The following NRXN1 variants were observed in gnomAD, a reference collection of about 807,000 sequenced individuals.
NRXN1 encodes the protein neurexin-1.
A neutral mutation model predicts 150.9 loss-of-function variants in NRXN1; 39 were observed. That is an observed-to-expected ratio of 0.26 (90% CI 0.20 to 0.34). The LOEUF (loss-of-function observed/expected upper bound fraction) is 0.34. NRXN1 is among the 10% of genes least tolerant of loss of function. NRXN1 has a pLI of 1.00. For synonymous variants in NRXN1, 924 were observed against 757.0 expected, an observed-to-expected ratio of 1.22 and a Z score of -3.62; for missense variants, 1,815 against 1,949.9, an observed-to-expected ratio of 0.93 and a Z score of 1.30.
chr2:50,377,840 T>C (rs2080639910), intron 17 of NRXN1, among the ~76,000 whole-genome samples: 1 of 152,174 alleles, frequency 6.6e-6, no homozygotes, highest in Admixed American at 6.5e-5. Context: ...TGAATCCGAA[T>C]ATTTTCATTA....
At chr2:50,946,005 G>A (rs1575016694) in intron 2 of NRXN1, among the ~76,000 whole-genome samples, 1 of 150,758 alleles carries the variant, frequency 6.6e-6, no homozygotes, top group East Asian at 2.0e-4. Context: ...GCACCTAGAG[G>A]ACTCACTTAC....
chr2:50,314,454 ACAAAGAGTTTCCTTCT>A (rs1188778620), intron 17 of NRXN1, among the ~76,000 whole-genome samples: 2 of 152,022 alleles, frequency 1.3e-5, no homozygotes, highest in Non-Finnish European at 2.9e-5. Context: ...CACAATTAAA[ACAAAGAGTTTCCTTCT>A]CATCTTTCAT....
intron 9 of NRXN1, among the ~76,000 whole-genome samples, chr2:50,544,269 TAATGTAA>T (rs563412699): frequency 3.7e-4 from 57 of 152,092 alleles, no homozygotes; most frequent in African/African-American, 1.3e-3. Flanking sequence ...CAATAGGGTA[TAATGTAA>T]AATGTAAAAT....
chr2:49,941,769 AAC>A (rs1672016081), intron 22 of NRXN1, among the ~76,000 whole-genome samples: 1 of 152,170 alleles, frequency 6.6e-6, no homozygotes, highest in Non-Finnish European at 1.5e-5. Flanking sequence ...AACTATAAAT[AAC>A]ACACACCCCA....
chr2:50,673,946 C>T (rs1689196562), intron 5 of NRXN1, among the ~76,000 whole-genome samples: 1 of 151,946 alleles, frequency 6.6e-6, no homozygotes. Flanking sequence ...ACCCGCCTGT[C>T]AGGGGGTGGG....
intron 5 of NRXN1, among the ~76,000 whole-genome samples, chr2:50,866,430 C>G (rs1415737307): frequency 6.6e-6 from 1 of 151,820 alleles, no homozygotes; most frequent in Admixed American, 6.6e-5. Flanking sequence ...CTTGTGATAA[C>G]TGGGCAAGTG....
chr2:50,444,822 T>C (rs2086261414), intron 17 of NRXN1, among the ~76,000 whole-genome samples: 1 of 152,206 alleles, frequency 6.6e-6, no homozygotes, highest in Admixed American at 6.5e-5. Flanking sequence ...ATAATATTGA[T>C]GCTGTCTTTA....
At chr2:50,554,116 T>C (rs957479912) in intron 8 of NRXN1, among the ~76,000 whole-genome samples, 2 of 152,152 alleles carry the variant, frequency 1.3e-5, no homozygotes, top group South Asian at 4.1e-4. Context: ...CCAACATTGC[T>C]AGACTCTAGA....
chr2:50,784,126 T>C (rs1393945756), intron 5 of NRXN1, among the ~76,000 whole-genome samples: 3 of 152,154 alleles, frequency 2.0e-5, no homozygotes, highest in Non-Finnish European at 2.9e-5. Context: ...GGTGGGTATG[T>C]ATGTGTGAGA....
chr2:49,921,659 T>C lies in NRXN1; in HGVS notation c.*285A>G, dbSNP rs1209523962. The C allele has an allele frequency of 7.3e-6, 3 of 411,516 alleles. No individual in the cohort carries two copies. The highest frequency in any genetic ancestry group is 1.3e-5 in the Non-Finnish European group (3 of 227,284). The allele number at this position is 411,516 out of a possible 1,614,324, so 25.5% of individuals were successfully genotyped here. On this transcript the variant is annotated 3_prime_UTR_variant, in exon 23 of 23. Transcript: ENST00000401669. ...CTTTATGAATGCGTGCGGTCATCACTGTCTTTTAGAAATGTTCCAGCAACA... is the reference window on the plus strand; with the variant it reads ...CTTTATGAATGCGTGCGGTCATCACCGTCTTTTAGAAATGTTCCAGCAACA...
chr2:51,017,594 T>C (rs1575236609), intron 2 of NRXN1, among the ~76,000 whole-genome samples: 1 of 146,424 alleles, frequency 6.8e-6, no homozygotes, highest in East Asian at 2.1e-4. Context: ...TGGACTCAAG[T>C]GACTCTATTT....
chr2:50,833,303 A>G (rs1671663077), intron 5 of NRXN1, among the ~76,000 whole-genome samples: 1 of 152,168 alleles, frequency 6.6e-6, no homozygotes, highest in Non-Finnish European at 1.5e-5. Flanking sequence ...TATACTTACC[A>G]TATGTCCCCA....
chr2:50,277,852 C>T (rs2070760717), intron 17 of NRXN1, among the ~76,000 whole-genome samples: 1 of 151,914 alleles, frequency 6.6e-6, no homozygotes, highest in Non-Finnish European at 1.5e-5. Flanking sequence ...AATTGCTTCA[C>T]ACCCTTCTAT....
At chr2:50,268,715 T>C (rs559475581) in intron 17 of NRXN1, among the ~76,000 whole-genome samples, 1 of 152,308 alleles carries the variant, frequency 6.6e-6, no homozygotes, top group African/African-American at 2.4e-5. Flanking sequence ...ATCTTTGCTT[T>C]TCAATTGATT....
chr2:50,511,178 A>T (rs781484919), intron 12 of NRXN1, among the ~76,000 whole-genome samples: 3 of 152,014 alleles, frequency 2.0e-5, no homozygotes, highest in Non-Finnish European at 4.4e-5. Context: ...CTCCTGCCTC[A>T]GCCTCCCAGG....
At chr2:50,352,310 T>A (rs1020328864) in intron 17 of NRXN1, among the ~76,000 whole-genome samples, 1 of 152,142 alleles carries the variant, frequency 6.6e-6, no homozygotes, top group African/African-American at 2.4e-5. Context: ...TTCTTCATAT[T>A]ACAAAAATCA....
chr2:50,927,722 A>C (rs770787070), intron 2 of NRXN1, among the ~76,000 whole-genome samples: 1 of 152,002 alleles, frequency 6.6e-6, no homozygotes, highest in African/African-American at 2.4e-5. Context: ...ATGTATTGTA[A>C]AATAATAAAA....
At chr2:50,252,842 C>T (rs933009119) in intron 17 of NRXN1, among the ~76,000 whole-genome samples, 7 of 152,040 alleles carry the variant, frequency 4.6e-5, no homozygotes, top group African/African-American at 1.2e-4. Flanking sequence ...AGTCAGGTAA[C>T]GTGATGCCTC....
At chr2:50,195,887 G>T (rs145003015) in intron 18 of NRXN1, among the ~76,000 whole-genome samples, 40 of 152,140 alleles carry the variant, frequency 2.6e-4, no homozygotes, top group African/African-American at 8.9e-4. Flanking sequence ...GAAATGTAAA[G>T]GTAGAATATA....
Sources: gnomAD v4.1 joint callset for allele counts (sites outside exome capture counted in the v4.1 genomes callset) on GRCh38, gnomAD v4.1.1 for gene constraint, MANE v1.5 for transcripts, NCBI Gene and HGNC (gene_info 2026-07-23, HGNC 2026-07-21) for gene names.